FARP1: variants seen among roughly 807,000 people sequenced by gnomAD.
FARP1 encodes the protein FERM, ARHGEF and pleckstrin domain-containing protein 1.
In FARP1, 52 loss-of-function variants were observed where a neutral mutation model predicts 128.8. The ratio of observed to expected loss-of-function variants is 0.40; its 90% confidence interval spans 0.32 to 0.51. FARP1 has a LOEUF of 0.51. FARP1 is among the 20% of genes least tolerant of loss of function. The pLI is 0.45. For missense variants in FARP1, 1,333 were observed against 1,367.9 expected (o/e 0.97, Z 0.40); for synonymous variants, 580 against 551.8 (o/e 1.05, Z -0.72).
intron 5 of FARP1, among the ~76,000 whole-genome samples, chr13:98,371,218 G>T (rs868844190): frequency 3.0e-4 from 37 of 124,702 alleles, no homozygotes; most frequent in Admixed American, 7.7e-4. Context: ...CCCGCCCCCC[G>T]TTTTTTTTTT....
chr13:98,309,152 C>CTT (rs1886325642), intron 2 of FARP1, among the ~76,000 whole-genome samples: 1 of 106,190 alleles, frequency 9.4e-6, no homozygotes, highest in African/African-American at 3.7e-5. Context: ...TTTTAAGAGG[C>CTT]CTTTTTTTTT....
At chr13:98,337,809 G>A (rs1887806031) in intron 2 of FARP1, among the ~76,000 whole-genome samples, 1 of 152,012 alleles carries the variant, frequency 6.6e-6, no homozygotes, top group African/African-American at 2.4e-5. Flanking sequence ...TGCCCCAAAT[G>A]CATAATTTGC....
chr13:98,340,903 C>T (rs1264001892), intron 2 of FARP1: 1 of 152,198 alleles, frequency 6.6e-6, no homozygotes, highest in East Asian at 1.9e-4. Flanking sequence ...CAGTGTTCCA[C>T]TCTGCTCTCC....
rs646947 is a variant in FARP1 at position 98,387,714 on chromosome 13, A to G, written c.760-669A>G. Among the ~76,000 whole-genome samples the G allele has an allele frequency of 2.9e-3, 448 of 152,294 alleles. 2 individuals are homozygous for G. The highest frequency in any genetic ancestry group is 0.01 in the African/African-American group (431 of 41,574). On this transcript the variant is annotated intron_variant, in intron 8 of 26. Transcript: ENST00000319562. ...CAATGAAGACATGTGAATCCGGCCC[A>G]GAGACTGTGCTGGCCTTGAAGACAC...
chr13:98,306,675 C>G (rs1272894954), intron 2 of FARP1, among the ~76,000 whole-genome samples: 1 of 66,706 alleles, frequency 1.5e-5, no homozygotes, highest in African/African-American at 5.2e-5. Flanking sequence ...CCACCACACC[C>G]GGCTAACTTT....
chr13:98,249,881 A>C (rs542922031), intron 2 of FARP1, among the ~76,000 whole-genome samples: 1 of 152,264 alleles, frequency 6.6e-6, no homozygotes, highest in African/African-American at 2.4e-5. Context: ...CTCTCCCTTC[A>C]GTTACATATG....
chr13:98,191,082 G>T (rs1245731433), intron 1 of FARP1, among the ~76,000 whole-genome samples: 1 of 152,098 alleles, frequency 6.6e-6, no homozygotes, highest in Non-Finnish European at 1.5e-5. Context: ...TTTCCTCTCC[G>T]GCCCGACACT....
In FARP1 at chr13:98,424,641, G is replaced by A. The variant is rs1215938611; in HGVS notation, c.1896G>A (p.Gln632=). The change falls in exon 17 of 27, where the codon CAG becomes CAA. Residue 632 remains glutamine (Q), a synonymous_variant. Coordinates refer to ENST00000319562, the MANE Select transcript of FARP1 (RefSeq NM_005766.4). The part of the protein sequence containing the change: ...RIGDVMLKNI[Q]GMKHLAAHLW... ...GCGATGTCATGCTGAAGAACATTCA[G>A]GGCATGAAGGTGAGCTGGTTGAGAT... is the stretch of plus-strand genomic sequence containing the variant. 4 of 1,611,558 alleles carry A rather than the reference G, an allele frequency of 2.5e-6. No homozygotes were observed. Among genetic ancestry groups the A allele is most frequent in the Non-Finnish European group, 3.4e-6 (4 of 1,177,728 alleles).
intron 1 of FARP1, among the ~76,000 whole-genome samples, chr13:98,178,996 T>C (rs747017556): frequency 3.3e-5 from 5 of 152,266 alleles, no homozygotes; most frequent in Non-Finnish European, 5.9e-5. Context: ...TACACTGGAC[T>C]GTCCTTTGTG....
intron 2 of FARP1, among the ~76,000 whole-genome samples, chr13:98,309,193 G>T (rs1266899528): frequency 4.0e-5 from 4 of 100,844 alleles, no homozygotes; most frequent in Admixed American, 1.7e-4. Flanking sequence ...TGGAGACGGA[G>T]TCTCGCTCTG....
intron 2 of FARP1, among the ~76,000 whole-genome samples, chr13:98,289,982 T>G (rs1216426571): frequency 6.6e-6 from 1 of 152,140 alleles, no homozygotes; most frequent in Non-Finnish European, 1.5e-5. Context: ...ACACGCGTAC[T>G]TCTCCCCACA....
Position 98,410,787 on chromosome 13 carries a change from G to A in FARP1, c.1656G>A (p.Glu552=). The A allele has an allele frequency of 5.6e-6, 9 of 1,604,440 alleles. No individual in the cohort carries two copies. The highest frequency in any genetic ancestry group is 7.7e-6 in the Non-Finnish European group (9 of 1,173,358). The stretch of plus-strand genomic sequence containing the variant: ...TAGCTAAGGAAGTGTCTACCACCGA[G>A]CGAACATATCTGAAGGATCTCGAAG... ...YFIAKEVSTT[E]RTYLKDLEVI... is the part of the protein sequence containing the mutation. Residue 552 remains glutamate, a synonymous_variant, in exon 15 of 27, where the codon GAG becomes GAA. Transcript: ENST00000319562.
At chr13:98,183,374 C>G (rs947936544) in intron 1 of FARP1, among the ~76,000 whole-genome samples, 1 of 152,076 alleles carries the variant, frequency 6.6e-6, no homozygotes, top group African/African-American at 2.4e-5. Flanking sequence ...CATATCTAGT[C>G]TCTGAGCTCC....
At position 98,149,358 on chromosome 13, in the gene FARP1, C is replaced by A. The variant is rs1426981194; in HGVS notation, c.-24+5866C>A. Among the ~76,000 whole-genome samples the A allele has an allele frequency of 3.3e-5, 5 of 152,006 alleles. No homozygotes were observed. The East Asian group carries it at 9.6e-4, about 29-fold the overall frequency. ...ATGCTATGACTTGCGTATCCACTCC[C>A]CTTTGGCCATTCAAGTTGTTTTCAG... On this transcript the variant is annotated intron_variant, in intron 1 of 26. Transcript: ENST00000319562.
chr13:98,267,034 A>AG (rs1566812487), intron 2 of FARP1, among the ~76,000 whole-genome samples: 1 of 148,678 alleles, frequency 6.7e-6, no homozygotes, highest in African/African-American at 2.5e-5. Flanking sequence ...AAAAAAAAAA[A>AG]GGGGTGGTAT....
intron 2 of FARP1, among the ~76,000 whole-genome samples, chr13:98,214,584 A>C (rs940385873): frequency 3.3e-5 from 5 of 152,186 alleles, no homozygotes; most frequent in African/African-American, 1.2e-4. Context: ...GATATGAGTC[A>C]GCGAATTATA....
At chr13:98,221,994 G>A (rs1594288288) in intron 2 of FARP1, among the ~76,000 whole-genome samples, 1 of 152,210 alleles carries the variant, frequency 6.6e-6, no homozygotes, top group South Asian at 2.1e-4. Context: ...TTGAGCATTT[G>A]AGCTGGAGGT....
intron 2 of FARP1, among the ~76,000 whole-genome samples, chr13:98,219,989 CTT>C (rs1881320809): frequency 6.6e-6 from 1 of 152,100 alleles, no homozygotes; most frequent in Admixed American, 6.6e-5. Flanking sequence ...CTTAATTTCT[CTT>C]TCAGCCATCT....
Position 98,176,279 on chromosome 13 carries a change from C to G in FARP1, c.-24+32787C>G. 3 of 1,612,028 alleles carry G rather than the reference C, an allele frequency of 1.9e-6. No homozygotes were observed. The highest frequency in any genetic ancestry group is 2.5e-6 in the Non-Finnish European group (3 of 1,178,652). ...TCTTCTGTGAAATGGGACTTGCCCC[C>G]ACCTTCTGCAGCCTGAAGCTTTTGC... On this transcript the variant is annotated intron_variant, in intron 1 of 26. Coordinates refer to ENST00000319562, the MANE Select transcript of FARP1 (RefSeq NM_005766.4). This position sits in a 1 kb window ranked among gnomAD's most constrained non-coding sequence, Gnocchi z 6.2.
Sources: allele counts gnomAD v4.1 joint callset (sites outside exome capture counted in the v4.1 genomes callset), GRCh38; gene constraint gnomAD v4.1.1; non-coding constraint Gnocchi (gnomAD v3.1); transcripts MANE v1.5; gene names NCBI Gene and HGNC (gene_info 2026-07-23, HGNC 2026-07-21).